Variants in PTPRD observed in about 807,000 individuals in gnomAD.
PTPRD encodes protein tyrosine phosphatase receptor type D.
A neutral mutation model predicts 214.5 loss-of-function variants in PTPRD; 34 were observed. The ratio of observed to expected loss-of-function variants is 0.16; its 90% CI spans 0.12 to 0.21. PTPRD has a LOEUF of 0.21. PTPRD is among the 10% of genes least tolerant of loss of function. PTPRD has a pLI of 1.00. For synonymous variants in PTPRD, 1,128 were observed against 845.7 expected, an observed-to-expected ratio of 1.33 and a Z score of -5.79; for missense variants, 2,545 against 2,398.7, an observed-to-expected ratio of 1.06 and a Z score of -1.27.
intron 5 of PTPRD, among the ~76,000 whole-genome samples, chr9:9,784,158 T>G (rs2098895368): frequency 6.6e-6 from 1 of 152,154 alleles, no homozygotes; most frequent in African/African-American, 2.4e-5. Flanking sequence ...AAAAGTATTT[T>G]TTAAATTATT....
intron 2 of PTPRD, among the ~76,000 whole-genome samples, chr9:10,405,753 T>C (rs1429459609): frequency 6.6e-6 from 1 of 151,524 alleles, no homozygotes; most frequent in Admixed American, 6.6e-5. Flanking sequence ...CTAGTAAATA[T>C]TAACTAACTT....
intron 5 of PTPRD, among the ~76,000 whole-genome samples, chr9:9,844,494 A>G (rs34392130): frequency 0.024 from 3,673 of 152,048 alleles, 67 homozygotes; most frequent in South Asian, 0.04. Flanking sequence ...TTATCTTTAT[A>G]ATCCTAATAT....
chr9:9,152,911 A>T (rs1222877411), intron 10 of PTPRD, among the ~76,000 whole-genome samples: 1 of 152,178 alleles, frequency 6.6e-6, no homozygotes, highest in Non-Finnish European at 1.5e-5. Flanking sequence ...ATTAAGAATC[A>T]AATGTATCTT....
chr9:8,996,435 GCAAA>G (rs1430748536), intron 11 of PTPRD, among the ~76,000 whole-genome samples: 2 of 152,090 alleles, frequency 1.3e-5, no homozygotes, highest in Non-Finnish European at 2.9e-5. Context: ...CGTAGGGGCA[GCAAA>G]CAGAGCAGTT....
chr9:8,736,801 T>C (rs2090527795), intron 11 of PTPRD, among the ~76,000 whole-genome samples: 1 of 152,084 alleles, frequency 6.6e-6, no homozygotes, highest in Admixed American at 6.6e-5. Flanking sequence ...AAATCAGCTA[T>C]TGTTATCAAT....
chr9:8,931,419 G>T lies in PTPRD; in HGVS notation c.-104+87278C>A, dbSNP rs553988979. Among the ~76,000 whole-genome samples the T allele has an allele frequency of 2.0e-3, 303 of 152,162 alleles. 1 individual carries two copies. Among genetic ancestry groups the T allele is most frequent in the African/African-American group, 7.1e-3 (296 of 41,514 alleles). Reference sequence around the variant, plus strand: ...GGGATGCCTCCAGCTTTGTTCTTTTGGCTTAGGATTGACTTGGTAATGCGG... The same window carrying T: ...GGGATGCCTCCAGCTTTGTTCTTTTTGCTTAGGATTGACTTGGTAATGCGG... On this transcript the variant is annotated intron_variant, in intron 11 of 45. Coordinates refer to ENST00000381196, the MANE Select transcript of PTPRD (RefSeq NM_002839.4).
At chr9:10,585,558 A>G (rs573402546) in intron 2 of PTPRD, among the ~76,000 whole-genome samples, 6 of 152,264 alleles carry the variant, frequency 3.9e-5, no homozygotes, top group South Asian at 4.1e-4. Flanking sequence ...ACATCATGCC[A>G]TGTTATCTAA....
At chr9:8,591,654 G>C (rs1017832816) in intron 14 of PTPRD, among the ~76,000 whole-genome samples, 1 of 152,148 alleles carries the variant, frequency 6.6e-6, no homozygotes, top group African/African-American at 2.4e-5. Context: ...AAATTCAGAA[G>C]GACACGTCTA....
At chr9:10,474,481 T>C (rs2099050343) in intron 2 of PTPRD, among the ~76,000 whole-genome samples, 1 of 152,076 alleles carries the variant, frequency 6.6e-6, no homozygotes, top group Non-Finnish European at 1.5e-5. Context: ...AGCACCCAGA[T>C]TCATAAAACA....
intron 44 of PTPRD, among the ~76,000 whole-genome samples, chr9:8,321,516 TATATATATATAA>T (rs1268727369): frequency 3.8e-5 from 5 of 131,250 alleles, no homozygotes; most frequent in Non-Finnish European, 4.8e-5. Flanking sequence ...TATATATATA[TATATATATATAA>T]AAGGTATATG....
In PTPRD at chr9:8,351,044, G is replaced by T. The variant is rs72691006; in HGVS notation, c.4662-9066C>A. 3.3e-3 allele frequency among the ~76,000 whole-genome samples: 507 copies of T among 152,224 alleles called. 11 individuals are homozygous for T. The highest frequency in any genetic ancestry group is 2.3e-3 in the Non-Finnish European group (158 of 68,006). On this transcript the variant is annotated intron_variant, in intron 39 of 45. Coordinates refer to ENST00000381196, the MANE Select transcript of PTPRD (RefSeq NM_002839.4). ...ATTTTATTGTAGCATTGTTGATGTA[G>T]CAAGTTAACTTAGTAAAACAATCAT...
intron 5 of PTPRD, among the ~76,000 whole-genome samples, chr9:9,923,202 G>A (rs1375318046): frequency 2.0e-5 from 3 of 150,560 alleles, no homozygotes; most frequent in African/African-American, 7.3e-5. Context: ...CAGATAATCT[G>A]GGTAAAAGAT....
At chr9:9,406,766 C>A (rs1489317997) in intron 8 of PTPRD, among the ~76,000 whole-genome samples, 4 of 150,526 alleles carry the variant, frequency 2.7e-5, no homozygotes, top group Admixed American at 1.3e-4. Context: ...TATTAATGAG[C>A]AATTTTATAG....
intron 2 of PTPRD, among the ~76,000 whole-genome samples, chr9:10,378,410 C>G (rs998283005): frequency 7.9e-5 from 12 of 152,020 alleles, no homozygotes; most frequent in African/African-American, 4.8e-5. Context: ...TGGAAGTTTT[C>G]CACAATGTTT....
chr9:10,485,256 G>C (rs543863700), intron 2 of PTPRD, among the ~76,000 whole-genome samples: 1 of 151,990 alleles, frequency 6.6e-6, no homozygotes, highest in African/African-American at 2.4e-5. Context: ...TGATGTTTAG[G>C]TTACTATAGC....
rs2097562721 is a variant in PTPRD at position 8,507,294 on chromosome 9, G to C, written c.1677+7C>G. 1.2e-6 allele frequency: 2 copies of C among 1,613,392 alleles called. No individual in the cohort carries two copies. Among genetic ancestry groups the C allele is most frequent in the South Asian group, 1.1e-5 (1 of 91,022 alleles). ...AATTCCCAAGGTGAGAAGCACTATAGTCTTACCTCCTCTCCATGCTCCCCA... is the reference window on the plus strand; with the variant it reads ...AATTCCCAAGGTGAGAAGCACTATACTCTTACCTCCTCTCCATGCTCCCCA... On this transcript the variant is annotated splice_region_variant and intron_variant, in intron 22 of 45. Coordinates refer to ENST00000381196, the MANE Select transcript of PTPRD (RefSeq NM_002839.4).
At chr9:10,320,928 A>G (rs1597049864) in intron 3 of PTPRD, among the ~76,000 whole-genome samples, 1 of 151,860 alleles carries the variant, frequency 6.6e-6, no homozygotes, top group East Asian at 2.0e-4. Flanking sequence ...GGGTTTTTCC[A>G]TGTTGCCGAG....
chr9:8,355,608 AGCTGAAGGTTAATATTC>A (rs1416419740), intron 39 of PTPRD, among the ~76,000 whole-genome samples: 1 of 152,204 alleles, frequency 6.6e-6, no homozygotes, highest in Non-Finnish European at 1.5e-5. Flanking sequence ...GACACCAAAG[AGCTGAAGGTTAATATTC>A]AATAATTCAA....
intron 12 of PTPRD, among the ~76,000 whole-genome samples, chr9:8,690,441 G>A (rs910956686): frequency 7.3e-5 from 11 of 151,274 alleles, no homozygotes; most frequent in Non-Finnish European, 1.2e-4. Context: ...GCAGGAGAAC[G>A]GCATGAACCA....
Sources: allele counts gnomAD v4.1 joint callset (sites outside exome capture counted in the v4.1 genomes callset), GRCh38; gene constraint gnomAD v4.1.1; transcripts MANE v1.5; gene names NCBI Gene and HGNC (gene_info 2026-07-23, HGNC 2026-07-21).